Variants in CNTNAP5 observed in about 807,000 individuals in gnomAD.
The protein encoded by CNTNAP5 is contactin associated protein family member 5, also known as contactin-associated protein-like 5.
Under a neutral mutation model 150.2 loss-of-function variants are expected in CNTNAP5, and 72 were observed. The ratio of observed to expected loss-of-function variants is 0.48; its 90% CI spans 0.40 to 0.58. CNTNAP5 has a LOEUF of 0.58. Among genes scored for constraint, CNTNAP5 ranks in the 20% least tolerant of loss-of-function variants. The probability of loss-of-function intolerance (pLI) is 0.00; values close to 1 mark genes in which losing one functional copy is unlikely to be tolerated. For synonymous variants in CNTNAP5, 672 were observed against 619.8 expected (o/e 1.08, Z -1.25); for missense variants, 1,636 against 1,626.2 (o/e 1.01, Z -0.10).
intron 6 of CNTNAP5, among the ~76,000 whole-genome samples, chr2:124,456,164 A>T (rs180794248): frequency 2.0e-5 from 3 of 152,294 alleles, no homozygotes; most frequent in Admixed American, 6.5e-5. Context: ...TACCTAGACA[A>T]CCCTAAAGAC....
At chr2:124,711,454 T>C (rs955279532) in intron 13 of CNTNAP5, among the ~76,000 whole-genome samples, 7 of 152,180 alleles carry the variant, frequency 4.6e-5, no homozygotes, top group Non-Finnish European at 8.8e-5. Flanking sequence ...TCCCTGTCTC[T>C]ATCTGCTTTA....
Position 124,891,950 on chromosome 2 carries a change from G to A in CNTNAP5, c.3437-10932G>A, listed in dbSNP as rs574528843. On this transcript the variant is annotated intron_variant, in intron 21 of 23. Transcript: ENST00000682447. ...GCTTCACAATTATGGGCCCTTCACCGTCCCTGCTTTCTTCTCCCTGGAACA... is the reference window on the plus strand; with the variant it reads ...GCTTCACAATTATGGGCCCTTCACCATCCCTGCTTTCTTCTCCCTGGAACA... 3.3e-4 allele frequency among the ~76,000 whole-genome samples: 50 copies of A among 152,128 alleles called. 1 individual carries two copies. In the South Asian group the frequency reaches 7.9e-3, roughly 24 times the overall value.
At chr2:124,423,016 C>T (rs548535500) in intron 4 of CNTNAP5, among the ~76,000 whole-genome samples, 191 of 152,206 alleles carry the variant, frequency 1.3e-3, no homozygotes, top group Non-Finnish European at 2.2e-3. Context: ...GATTGCTAAT[C>T]CTAAGGATTT....
At chr2:124,090,755 C>G (rs946092623) in intron 1 of CNTNAP5, among the ~76,000 whole-genome samples, 2 of 152,096 alleles carry the variant, frequency 1.3e-5, no homozygotes, top group African/African-American at 4.8e-5. Flanking sequence ...TTTTTGTTAT[C>G]TTTAAGGAAA....
intron 1 of CNTNAP5, among the ~76,000 whole-genome samples, chr2:124,118,269 A>G (rs1387133076): frequency 3.9e-5 from 6 of 152,198 alleles, no homozygotes; most frequent in Non-Finnish European, 8.8e-5. Context: ...AGCCAAATGT[A>G]TATCCTTAAA....
chr2:124,674,416 C>T (rs145558098), intron 13 of CNTNAP5, among the ~76,000 whole-genome samples: 3,051 of 140,060 alleles, frequency 0.022, 42 homozygotes, highest in Middle Eastern at 0.038. Flanking sequence ...TCCTTCCCTC[C>T]CTCCCTCCTC....
intron 1 of CNTNAP5, among the ~76,000 whole-genome samples, chr2:124,056,570 T>C (rs1681852284): frequency 6.6e-6 from 1 of 152,072 alleles, no homozygotes; most frequent in South Asian, 2.1e-4. Context: ...GGTGTGAACA[T>C]GGGAGGCGGA....
intron 17 of CNTNAP5, among the ~76,000 whole-genome samples, chr2:124,779,179 C>A (rs559522319): frequency 3.9e-4 from 59 of 152,310 alleles, no homozygotes; most frequent in South Asian, 1.9e-3. Context: ...GCAGAGAAAG[C>A]CTTGACCAAG....
chr2:124,891,597 T>C (rs1678195610), intron 21 of CNTNAP5, among the ~76,000 whole-genome samples: 1 of 152,114 alleles, frequency 6.6e-6, no homozygotes, highest in South Asian at 2.1e-4. Context: ...TGTTGAACCC[T>C]GGAAGTCTGA....
intron 7 of CNTNAP5, among the ~76,000 whole-genome samples, chr2:124,482,439 C>A (rs1302877630): frequency 6.6e-6 from 1 of 152,108 alleles, no homozygotes; most frequent in Non-Finnish European, 1.5e-5. Flanking sequence ...AGCAATCCAC[C>A]ATCAGGTTTT....
intron 1 of CNTNAP5, among the ~76,000 whole-genome samples, chr2:124,123,169 G>T (rs947828433): frequency 6.6e-6 from 1 of 152,132 alleles, no homozygotes; most frequent in African/African-American, 2.4e-5. Context: ...AGGCATGACA[G>T]ACAGTACCTG....
chr2:124,439,044 A>C (rs1192310949), intron 5 of CNTNAP5, among the ~76,000 whole-genome samples: 1 of 152,156 alleles, frequency 6.6e-6, no homozygotes, highest in South Asian at 2.1e-4. Flanking sequence ...TTATAAAACA[A>C]ATAATAAAAA....
chr2:124,867,235 C>T (rs563574899), intron 20 of CNTNAP5, among the ~76,000 whole-genome samples: 148 of 152,268 alleles, frequency 9.7e-4, no homozygotes, highest in Non-Finnish European at 1.5e-3. Flanking sequence ...AGCAAACAAG[C>T]CAGCATATCT....
At position 124,914,193 on chromosome 2, in the gene CNTNAP5, G is replaced by C. The variant is rs536094106; in HGVS notation, c.3829G>C (p.Glu1277Gln). ...KQSHRTSQMK[E>Q]KEYPENLDSS... ...GTCACATCGTACGAGCCAGATGAAG[G>C]AGAAGGAATATCCAGAAAATTTGGA... The change falls in exon 24 of 24, where the codon GAG becomes CAG. Residue 1277 changes from glutamate to glutamine, a missense_variant. By Grantham distance (29) the Glu-to-Gln change is conservative. Transcript: ENST00000682447. 3.7e-6 allele frequency: 6 copies of C among 1,612,592 alleles called. No individual in the cohort carries two copies. Among genetic ancestry groups the C allele is most frequent in the Middle Eastern group, 1.7e-4 (1 of 6,052 alleles).
At chr2:124,428,011 A>G (rs946674964) in intron 4 of CNTNAP5, among the ~76,000 whole-genome samples, 13 of 152,250 alleles carry the variant, frequency 8.5e-5, no homozygotes, top group African/African-American at 1.9e-4. Context: ...GGTGACCTCA[A>G]TGCTGCTGGT....
rs569986390 is a variant in CNTNAP5 at position 124,468,994 on chromosome 2, A to T, written c.919-5745A>T. Among the ~76,000 whole-genome samples the T allele has an allele frequency of 7.9e-5, 12 of 152,314 alleles. No homozygotes were observed. The East Asian group carries it at 2.3e-3, about 30-fold the overall frequency. On this transcript the variant is annotated intron_variant, in intron 6 of 23. Transcript: ENST00000682447. ...GCTTGCAGCCATCACTGCTATGGGT[A>T]CTTCTGGAGGCAGTACCTTTCTGTG...
chr2:124,647,931 A>G lies in CNTNAP5; in HGVS notation c.2050A>G (p.Arg684Gly), dbSNP rs761421155. ...TGAGCAGGAGGTGGCCTACCACTGCAGGAGGTCCCGCCTGCTCAACACGCC... is the reference window on the plus strand; with the variant it reads ...TGAGCAGGAGGTGGCCTACCACTGCGGGAGGTCCCGCCTGCTCAACACGCC... ...HCEQEVAYHC[R>G]RSRLLNTPDG... The change falls in exon 13 of 24, where the codon AGG (arginine) becomes GGG (glycine). Residue 684 changes from arginine to glycine, a missense_variant. Transcript: ENST00000682447. 15 of 1,605,394 alleles carry G rather than the reference A, an allele frequency of 9.3e-6. No homozygotes were observed. The highest frequency in any genetic ancestry group is 1.3e-5 in the Non-Finnish European group (15 of 1,176,556).
In CNTNAP5 at chr2:124,810,852, G is replaced by T. The variant is rs577620949; in HGVS notation, c.3217+12532G>T. On this transcript the variant is annotated intron_variant, in intron 19 of 23. Transcript: ENST00000682447. ...CATTTTTCATTGTCAAGATGGGACT[G>T]CTACAGGTATGCAGTGAGTGGGAGT... is the stretch of plus-strand genomic sequence containing the variant. 5.9e-5 allele frequency among the ~76,000 whole-genome samples: 9 copies of T among 152,226 alleles called. 1 individual carries two copies. In the South Asian group the frequency reaches 1.9e-3, roughly 32 times the overall value.
chr2:124,874,620 A>G lies in CNTNAP5; in HGVS notation c.3436+4858A>G, dbSNP rs538780783. Reference sequence around the variant, plus strand: ...ACAAAAACTACTATTGTTTGGTGAAATTAAGAATTAAGTTATTATTATTAT... The same window carrying G: ...ACAAAAACTACTATTGTTTGGTGAAGTTAAGAATTAAGTTATTATTATTAT... On this transcript the variant is annotated intron_variant, in intron 21 of 23. Coordinates refer to ENST00000682447, the MANE Select transcript of CNTNAP5 (RefSeq NM_001367498.1). Among the ~76,000 whole-genome samples the G allele has an allele frequency of 3.9e-5, 6 of 152,118 alleles. No individual in the cohort carries two copies. In the South Asian group the frequency reaches 1.2e-3, roughly 32 times the overall value.
Sources: allele counts gnomAD v4.1 joint callset (sites outside exome capture counted in the v4.1 genomes callset), GRCh38; gene constraint gnomAD v4.1.1; transcripts MANE v1.5; gene names NCBI Gene and HGNC (gene_info 2026-07-23, HGNC 2026-07-21).